The following GRIP1 variants were observed in gnomAD, a reference collection of about 807,000 sequenced individuals.
The protein encoded by GRIP1 is glutamate receptor interacting protein 1.
A neutral mutation model predicts 129.9 loss-of-function variants in GRIP1; 45 were observed. That is an observed-to-expected ratio of 0.35 (90% CI 0.27 to 0.44). GRIP1 has a LOEUF of 0.44. Among genes scored for constraint, GRIP1 ranks in the 20% least tolerant of loss-of-function variants. The pLI is 1.00. For missense variants in GRIP1, 1,196 were observed against 1,396.8 expected, an observed-to-expected ratio of 0.86 and a Z score of 2.29; for synonymous variants, 530 against 520.8, an observed-to-expected ratio of 1.02 and a Z score of -0.24.
intron 1 of GRIP1, among the ~76,000 whole-genome samples, chr12:66,775,330 A>C (rs188897578): frequency 4.3e-4 from 65 of 152,318 alleles, no homozygotes; most frequent in South Asian, 6.2e-4. Flanking sequence ...ACATCTCCAT[A>C]ATTTAAAATA....
intron 1 of GRIP1, among the ~76,000 whole-genome samples, chr12:66,922,962 A>G (rs566614858): frequency 3.9e-5 from 6 of 152,316 alleles, no homozygotes; most frequent in African/African-American, 1.4e-4. Context: ...AAATCCCTAG[A>G]AAAAAATATT....
chr12:66,783,497 G>T, intron 1 of GRIP1, among the ~76,000 whole-genome samples: 1 of 152,184 alleles, frequency 6.6e-6, no homozygotes, highest in East Asian at 1.9e-4. Context: ...ACTTATAAGT[G>T]AGGTGGCTGT....
At chr12:66,887,122 G>A (rs964836563) in intron 1 of GRIP1, among the ~76,000 whole-genome samples, 1 of 152,160 alleles carries the variant, frequency 6.6e-6, no homozygotes, top group Non-Finnish European at 1.5e-5. Flanking sequence ...TTGTTTTTCT[G>A]GCTTTGCTAA....
chr12:66,967,525 T>G (rs1294485426), intron 1 of GRIP1, among the ~76,000 whole-genome samples: 2 of 152,164 alleles, frequency 1.3e-5, no homozygotes, highest in Non-Finnish European at 2.9e-5. Context: ...TTATAAGTTA[T>G]ATTTTAAATT....
At chr12:66,642,494 A>T (rs1481971335) in intron 1 of GRIP1, among the ~76,000 whole-genome samples, 1 of 152,076 alleles carries the variant, frequency 6.6e-6, no homozygotes, top group Non-Finnish European at 1.5e-5. Context: ...CAATGAGACT[A>T]TATTAAAGAG....
At chr12:66,748,707 G>A (rs779368273) in intron 1 of GRIP1, among the ~76,000 whole-genome samples, 1 of 152,164 alleles carries the variant, frequency 6.6e-6, no homozygotes, top group Non-Finnish European at 1.5e-5. Flanking sequence ...CATGGTCTAC[G>A]ATTTCTTGGC....
At chr12:66,680,901 T>C (rs1485001358), upstream of GRIP1, among the ~76,000 whole-genome samples, 1 of 151,788 alleles carries the variant, frequency 6.6e-6, no homozygotes, top group African/African-American at 2.4e-5. Context: ...CAGACTCAAA[T>C]CCAATTTGCT....
At chr12:66,594,619 T>G (rs2063975762) in intron 2 of GRIP1, among the ~76,000 whole-genome samples, 1 of 152,178 alleles carries the variant, frequency 6.6e-6, no homozygotes, top group Non-Finnish European at 1.5e-5. Context: ...TGCTTACAGC[T>G]CTATATGGTC....
chr12:66,772,155 TATTTGTCCAAGGTC>T (rs1857881177), intron 1 of GRIP1, among the ~76,000 whole-genome samples: 2 of 152,210 alleles, frequency 1.3e-5, no homozygotes, highest in Non-Finnish European at 2.9e-5. Context: ...TGATTTCAGT[TATTTGTCCAAGGTC>T]ATGTGCTCAT....
intron 5 of GRIP1, among the ~76,000 whole-genome samples, chr12:66,527,055 G>A (rs1211981292): frequency 6.9e-6 from 1 of 144,552 alleles, no homozygotes; most frequent in Non-Finnish European, 1.5e-5. Flanking sequence ...TGGAGAAATA[G>A]GAACATTTTT....
intron 5 of GRIP1, among the ~76,000 whole-genome samples, chr12:66,525,198 G>A (rs1221658385): frequency 6.6e-6 from 1 of 152,192 alleles, no homozygotes; most frequent in African/African-American, 2.4e-5. Context: ...GCATTATCCT[G>A]ATACCAAAGC....
chr12:66,862,905 A>AT (rs1384813951), intron 1 of GRIP1, among the ~76,000 whole-genome samples: 3 of 152,112 alleles, frequency 2.0e-5, no homozygotes, highest in African/African-American at 7.2e-5. Flanking sequence ...AAACCACAGT[A>AT]TTGTGAGCAA....
chr12:66,960,877 C>T (rs1003351501), intron 1 of GRIP1, among the ~76,000 whole-genome samples: 5 of 152,084 alleles, frequency 3.3e-5, no homozygotes, highest in Admixed American at 6.6e-5. Flanking sequence ...GGAACTTCAC[C>T]TGAAGTCTTC....
intron 1 of GRIP1, among the ~76,000 whole-genome samples, chr12:66,802,136 T>C (rs1045416858): frequency 2.0e-5 from 3 of 152,130 alleles, no homozygotes; most frequent in East Asian, 1.9e-4. Flanking sequence ...ATATGACTTA[T>C]CTTCTTTAAA....
chr12:66,804,962 C>T (rs970162019), upstream of GRIP1, among the ~76,000 whole-genome samples: 1 of 152,120 alleles, frequency 6.6e-6, no homozygotes, highest in African/African-American at 2.4e-5. Flanking sequence ...ACCCACTGGG[C>T]ATTAATGTAT....
chr12:66,448,538 C>T (rs1419513152), intron 11 of GRIP1, among the ~76,000 whole-genome samples: 2 of 152,108 alleles, frequency 1.3e-5, no homozygotes, highest in African/African-American at 2.4e-5. Flanking sequence ...TATGATGAGG[C>T]CCCAACTTAT....
chr12:66,638,748 TC>T (rs1386148121), intron 1 of GRIP1, among the ~76,000 whole-genome samples: 1 of 152,168 alleles, frequency 6.6e-6, no homozygotes, highest in African/African-American at 2.4e-5. Flanking sequence ...TCATTCTCTC[TC>T]TCTCTCTTTT....
intron 1 of GRIP1, among the ~76,000 whole-genome samples, chr12:66,781,284 CT>C (rs2038150923): frequency 6.6e-6 from 1 of 152,098 alleles, no homozygotes; most frequent in African/African-American, 2.4e-5. Flanking sequence ...GCATCTCTTG[CT>C]AGAAAATGCT....
intron 1 of GRIP1, among the ~76,000 whole-genome samples, chr12:66,839,294 C>T (rs1013064981): frequency 6.6e-6 from 1 of 151,974 alleles, no homozygotes; most frequent in Non-Finnish European, 1.5e-5. Flanking sequence ...CCCTAATGAA[C>T]CTATTAGGGA....
Sources: allele counts gnomAD v4.1 joint callset (sites outside exome capture counted in the v4.1 genomes callset), GRCh38; gene constraint gnomAD v4.1.1; transcripts MANE v1.5; gene names NCBI Gene and HGNC (gene_info 2026-07-23, HGNC 2026-07-21).